Variants in ATG10 observed in about 807,000 individuals in gnomAD.
ATG10 encodes autophagy related 10.
Under a neutral mutation model 32.1 loss-of-function variants are expected in ATG10, and 30 were observed. That is an observed-to-expected ratio of 0.94 (90% CI 0.70 to 1.27). The LOEUF is 1.27. ATG10 is among the 50% of genes most tolerant of loss of function. ATG10 has a pLI of 0.00. For missense variants in ATG10, 233 were observed against 262.3 expected (o/e 0.89, Z 0.77); for synonymous variants, 87 against 91.5 (o/e 0.95, Z 0.28).
At chr5:82,095,957 G>A (rs1765043517) in intron 3 of ATG10, among the ~76,000 whole-genome samples, 3 of 152,152 alleles carry the variant, frequency 2.0e-5, no homozygotes, top group Admixed American at 2.0e-4. Flanking sequence ...TTACACCCCT[G>A]TGATGGTCCA....
chr5:82,056,892 A>G (rs1377561954), intron 2 of ATG10, among the ~76,000 whole-genome samples: 1 of 152,194 alleles, frequency 6.6e-6, no homozygotes, highest in Admixed American at 6.5e-5. Flanking sequence ...GTTTAAGCCA[A>G]TGTTAAATTT....
intron 3 of ATG10, among the ~76,000 whole-genome samples, chr5:82,137,219 A>T (rs968151139): frequency 3.3e-5 from 5 of 152,106 alleles, no homozygotes; most frequent in African/African-American, 1.2e-4. Context: ...CTGTAAATTC[A>T]TCAAACTCAT....
At chr5:82,102,216 T>C (rs1376328194) in intron 3 of ATG10, among the ~76,000 whole-genome samples, 1 of 152,194 alleles carries the variant, frequency 6.6e-6, no homozygotes, top group Non-Finnish European at 1.5e-5. Context: ...TGGTAGATTT[T>C]TATTTTCCTG....
intron 2 of ATG10, among the ~76,000 whole-genome samples, chr5:82,050,003 G>A (rs934127191): frequency 1.3e-5 from 2 of 151,926 alleles, no homozygotes; most frequent in African/African-American, 4.8e-5. Context: ...AAGTAAAGAT[G>A]AAAATCTTTC....
At chr5:82,164,619 G>A in intron 4 of ATG10, 82 bp downstream of exon 4, 3 of 1,357,782 alleles carry the variant, frequency 2.2e-6, no homozygotes, top group Non-Finnish European at 2.0e-6. Context: ...TTATTCTCCA[G>A]AGGAAAAAAA....
intron 5 of ATG10, among the ~76,000 whole-genome samples, chr5:82,201,727 G>A (rs1482506430): frequency 6.6e-6 from 1 of 152,096 alleles, no homozygotes; most frequent in East Asian, 1.9e-4. Flanking sequence ...GGGTTGATTT[G>A]GAAAGAATTA....
chr5:81,999,493 C>T (rs1415270855), intron 2 of ATG10, among the ~76,000 whole-genome samples: 1 of 151,832 alleles, frequency 6.6e-6, no homozygotes, highest in Non-Finnish European at 1.5e-5. Context: ...AAGAGAAGAC[C>T]AACCCCAAAG....
At chr5:82,173,870 A>C (rs956202607) in intron 4 of ATG10, among the ~76,000 whole-genome samples, 2 of 152,128 alleles carry the variant, frequency 1.3e-5, no homozygotes, top group Non-Finnish European at 2.9e-5. Flanking sequence ...GGCACATAAT[A>C]ATGTGTTTTA....
intron 3 of ATG10, among the ~76,000 whole-genome samples, chr5:82,145,738 C>T (rs1452830417): frequency 2.7e-5 from 4 of 148,760 alleles, no homozygotes; most frequent in Non-Finnish European, 4.5e-5. Flanking sequence ...ACAGAGTCTT[C>T]CTCTGTTGCC....
intron 2 of ATG10, among the ~76,000 whole-genome samples, chr5:81,999,732 A>G (rs1761793786): frequency 6.6e-6 from 1 of 152,164 alleles, no homozygotes; most frequent in African/African-American, 2.4e-5. Context: ...ATACAAAAAA[A>G]AAATCCCGCA....
At chr5:82,011,712 A>G (rs1321503914) in intron 2 of ATG10, among the ~76,000 whole-genome samples, 1 of 152,140 alleles carries the variant, frequency 6.6e-6, no homozygotes, top group African/African-American at 2.4e-5. Flanking sequence ...TGGGTTGGGG[A>G]GCACATTCGA....
chr5:82,223,805 C>G (rs368506474), intron 5 of ATG10, among the ~76,000 whole-genome samples: 1 of 152,062 alleles, frequency 6.6e-6, no homozygotes, highest in Non-Finnish European at 1.5e-5. Context: ...TTATTATGAA[C>G]TGAAATGATT....
At chr5:82,098,640 G>T (rs7736587) in intron 3 of ATG10, among the ~76,000 whole-genome samples, 1 of 152,080 alleles carries the variant, frequency 6.6e-6, no homozygotes, top group Non-Finnish European at 1.5e-5. Context: ...TGCAAACAAA[G>T]GGGTTATCGT....
intron 5 of ATG10, among the ~76,000 whole-genome samples, chr5:82,179,114 A>C (rs1469141309): frequency 6.6e-6 from 1 of 152,146 alleles, no homozygotes; most frequent in African/African-American, 2.4e-5. Flanking sequence ...AATTTATTGA[A>C]TACTTGACTG....
At chr5:82,060,133 C>G (rs1421632911) in intron 3 of ATG10, among the ~76,000 whole-genome samples, 2 of 152,092 alleles carry the variant, frequency 1.3e-5, no homozygotes, top group Non-Finnish European at 2.9e-5. Context: ...TATGAATAAT[C>G]TAGTCCAATT....
At chr5:82,152,207 A>C (rs925337341) in intron 3 of ATG10, among the ~76,000 whole-genome samples, 1 of 152,214 alleles carries the variant, frequency 6.6e-6, no homozygotes, top group East Asian at 1.9e-4. Context: ...GACTTGGTGC[A>C]GATTAGGACA....
intron 3 of ATG10, among the ~76,000 whole-genome samples, chr5:82,114,397 A>G (rs753266204): frequency 1.6e-4 from 25 of 152,038 alleles, no homozygotes; most frequent in Non-Finnish European, 3.2e-4. Context: ...ACTGTGAGGA[A>G]CACTTTTATG....
intron 2 of ATG10, among the ~76,000 whole-genome samples, chr5:82,026,687 C>T (rs906142544): frequency 1.3e-5 from 2 of 152,094 alleles, no homozygotes; most frequent in African/African-American, 4.8e-5. Flanking sequence ...TTAAAAAATA[C>T]TTTTATTTCT....
At chr5:82,081,417 G>A (rs2149782090) in intron 3 of ATG10, among the ~76,000 whole-genome samples, 1 of 152,312 alleles carries the variant, frequency 6.6e-6, no homozygotes, top group East Asian at 1.9e-4. Flanking sequence ...TGGTGAGAGA[G>A]GGCATCCCTG....
Sources: gnomAD v4.1 joint callset for allele counts (sites outside exome capture counted in the v4.1 genomes callset) on GRCh38, gnomAD v4.1.1 for gene constraint, MANE v1.5 for transcripts, NCBI Gene and HGNC (gene_info 2026-07-23, HGNC 2026-07-21) for gene names.